Variants in DNAAF4 observed in about 807,000 individuals in gnomAD.
The protein encoded by DNAAF4 is dynein axonemal assembly factor 4.
A neutral mutation model predicts 51.8 loss-of-function variants in DNAAF4; 43 were observed. The observed-to-expected ratio is 0.83, with a 90% confidence interval of 0.65 to 1.07. DNAAF4 has a LOEUF of 1.07. Among genes scored for constraint, DNAAF4 ranks in the 50% least tolerant of loss-of-function variants. The pLI is 0.00. For missense variants in DNAAF4, 581 were observed against 493.0 expected (o/e 1.18, Z -1.69); for synonymous variants, 194 against 165.6 (o/e 1.17, Z -1.32).
In DNAAF4 at chr15:55,450,292, A is replaced by G; in HGVS notation, c.713T>C (p.Ile238Thr). 6.2e-7 allele frequency: 1 copy of G among 1,614,072 alleles called. No homozygotes were observed. The highest frequency in any genetic ancestry group is 8.5e-7 in the Non-Finnish European group (1 of 1,180,014). ...TACTCGAGGGGTAAAGTTGATTTTA[A>G]TACTGCCAACAGAGCGAGGAGCAGG... is the stretch of plus-strand genomic sequence containing the variant. The part of the protein sequence containing the change: ...SIPAPRSVGS[I>T]KINFTPRVFP... Residue 238 changes from isoleucine (I) to threonine (T), a missense_variant, in exon 6 of 10, where the codon ATT (isoleucine) becomes ACT (threonine). Ile to Thr is a moderately conservative substitution (Grantham distance 89, BLOSUM62 -1). Coordinates refer to ENST00000321149, the MANE Select transcript of DNAAF4 (RefSeq NM_130810.4).
At chr15:55,435,509 A>G (rs2057592879) in intron 7 of DNAAF4, among the ~76,000 whole-genome samples, 1 of 152,208 alleles carries the variant, frequency 6.6e-6, no homozygotes, top group Non-Finnish European at 1.5e-5. Flanking sequence ...ATTAGAATAA[A>G]GCTGATACTA....
At chr15:55,498,075 A>AT in intron 2 of DNAAF4, 132 bp downstream of exon 2, 1 of 1,496,700 alleles carries the variant, frequency 6.7e-7, no homozygotes, top group Non-Finnish European at 9.0e-7. Flanking sequence ...TATGGGATTC[A>AT]TTTTTTTAAT....
intron 3 of DNAAF4, among the ~76,000 whole-genome samples, chr15:55,496,979 A>C (rs1157732260): frequency 1.3e-5 from 2 of 152,202 alleles, no homozygotes; most frequent in African/African-American, 4.8e-5. Flanking sequence ...ATTCTCCCAG[A>C]AAAGGAAACT....
In DNAAF4 at chr15:55,497,717, G is replaced by T. The variant is rs548061833; in HGVS notation, c.266C>A (p.Thr89Lys). 3 of 1,603,392 alleles carry T rather than the reference G, an allele frequency of 1.9e-6. No individual in the cohort carries two copies. The highest frequency in any genetic ancestry group is 3.5e-5 in the Admixed American group (2 of 56,926). Residue 89 changes from threonine to lysine, a missense_variant, in exon 3 of 10, where the codon ACG (threonine) becomes AAG (lysine). Transcript: ENST00000321149. ...TCTTTTAATAAAGAACTTACCACCC[G>T]TCACAGAAAGGGTCTCCCACATGGC... ...EAAMWETLSV[T>K]GVDKEMMQRI...
At chr15:55,469,499 T>TTTTC (rs2058220437) in intron 4 of DNAAF4, among the ~76,000 whole-genome samples, 1 of 136,868 alleles carries the variant, frequency 7.3e-6, no homozygotes, top group Non-Finnish European at 1.6e-5. Context: ...TTTTTTTTTT[T>TTTTC]TGAGACGGAG....
chr15:55,497,710 A>G lies in DNAAF4; in HGVS notation c.271+2T>C, dbSNP rs749144937. The G allele has an allele frequency of 6.2e-7, 1 of 1,600,304 alleles. No individual in the cohort carries two copies. Reference sequence around the variant, plus strand: ...ATGAACATCTTTTAATAAAGAACTTACCACCCGTCACAGAAAGGGTCTCCC... The same window carrying G: ...ATGAACATCTTTTAATAAAGAACTTGCCACCCGTCACAGAAAGGGTCTCCC... On this transcript the variant is annotated splice_donor_variant, in intron 3 of 9. Coordinates refer to ENST00000321149, the MANE Select transcript of DNAAF4 (RefSeq NM_130810.4). LOFTEE classifies it high-confidence loss of function.
intron 4 of DNAAF4, among the ~76,000 whole-genome samples, chr15:55,489,209 T>C (rs991419118): frequency 6.6e-6 from 1 of 152,238 alleles, no homozygotes. Flanking sequence ...ACTGTTTTAT[T>C]ATTTCAGTGA....
At chr15:55,443,415 T>G in intron 6 of DNAAF4, 1 of 604,006 alleles carries the variant, frequency 1.7e-6, no homozygotes, top group South Asian at 2.1e-5. Context: ...ATGGCACACA[T>G]TACTGCCACA....
intron 1 of DNAAF4, among the ~76,000 whole-genome samples, chr15:55,500,047 T>A (rs2007494): frequency 0.34 from 51,682 of 151,940 alleles, 12,031 homozygotes; most frequent in African/African-American, 0.67. Context: ...AACTTTTTTT[T>A]AACTTTAAAA....
chr15:55,419,854 T>G (rs1007744820), intron 7 of DNAAF4, among the ~76,000 whole-genome samples: 1 of 152,000 alleles, frequency 6.6e-6, no homozygotes, highest in Non-Finnish European at 1.5e-5. Flanking sequence ...ACAAAAAAAT[T>G]AGCTGGGCAT....
intron 6 of DNAAF4, among the ~76,000 whole-genome samples, chr15:55,439,788 G>A (rs985174718): frequency 2.0e-5 from 3 of 152,086 alleles, no homozygotes; most frequent in South Asian, 2.1e-4. Flanking sequence ...GCCTCTGAGA[G>A]GTAATGAGGT....
intron 8 of DNAAF4, among the ~76,000 whole-genome samples, chr15:55,433,772 GT>G (rs1310982313): frequency 2.9e-5 from 3 of 104,380 alleles, no homozygotes; most frequent in African/African-American, 1.1e-4. Flanking sequence ...ATATATAATT[GT>G]TTTTATAAAA....
At chr15:55,433,983 T>G (rs1364776057) in intron 8 of DNAAF4, among the ~76,000 whole-genome samples, 1 of 20,706 alleles carries the variant, frequency 4.8e-5, no homozygotes, top group African/African-American at 1.2e-4. Context: ...ATATATTATA[T>G]ATAATATATA....
chr15:55,456,587 C>A (rs902452275), intron 5 of DNAAF4, among the ~76,000 whole-genome samples: 1 of 152,130 alleles, frequency 6.6e-6, no homozygotes, highest in Non-Finnish European at 1.5e-5. Flanking sequence ...ACTTCAGGAA[C>A]ACCGCAAGAA....
intron 4 of DNAAF4, among the ~76,000 whole-genome samples, chr15:55,485,420 T>C (rs1011313309): frequency 1.3e-5 from 2 of 152,190 alleles, no homozygotes; most frequent in African/African-American, 4.8e-5. Context: ...TATTCACTGA[T>C]AAGGATCATT....
Position 55,464,088 on chromosome 15 carries a change from T to G in DNAAF4, c.637+2842A>C, listed in dbSNP as rs569427486. On this transcript the variant is annotated intron_variant, in intron 5 of 9. Transcript: ENST00000321149. The stretch of plus-strand genomic sequence containing the variant: ...CAAGGCCACAGTTACCAAAACAGTA[T>G]AGTACTGGTATAAAAACAGGCACAT... 7.8e-4 allele frequency among the ~76,000 whole-genome samples: 119 copies of G among 152,302 alleles called. 2 individuals carry two copies. In the South Asian group the frequency reaches 9.7e-3, roughly 12 times the overall value.
chr15:55,428,007 C>CAATG (rs2057448036), downstream of DNAAF4, among the ~76,000 whole-genome samples: 1 of 152,052 alleles, frequency 6.6e-6, no homozygotes, highest in Non-Finnish European at 1.5e-5. Flanking sequence ...GGCCGTAGTG[C>CAATG]AATGGCCCAA....
intron 4 of DNAAF4, among the ~76,000 whole-genome samples, chr15:55,478,138 G>A (rs1429919362): frequency 6.6e-6 from 1 of 152,150 alleles, no homozygotes; most frequent in Non-Finnish European, 1.5e-5. Flanking sequence ...GACACAACGG[G>A]TACACAAATT....
At position 55,466,984 on chromosome 15, in the gene DNAAF4, T is replaced by C. The variant is rs1450311176; in HGVS notation, c.583A>G (p.Ile195Val). ...EKQIKEERKK[I>V]KYKSLTRNLA... ...TTTCTAGTAAGACTCTTATATTTTATTTTTTTTCTTTCTTCTTTAATTTGC... is the reference window on the plus strand; with the variant it reads ...TTTCTAGTAAGACTCTTATATTTTACTTTTTTTCTTTCTTCTTTAATTTGC... Residue 195 changes from isoleucine (I) to valine (V), a missense_variant, in exon 5 of 10, where the codon ATA becomes GTA. Ile to Val is a conservative substitution (Grantham distance 29, BLOSUM62 3). Transcript: ENST00000321149. 1.3e-6 allele frequency: 2 copies of C among 1,582,220 alleles called. No individual in the cohort carries two copies. Among genetic ancestry groups the C allele is most frequent in the Middle Eastern group, 3.4e-4 (2 of 5,814 alleles).
Sources: allele counts gnomAD v4.1 joint callset (sites outside exome capture counted in the v4.1 genomes callset), GRCh38; gene constraint gnomAD v4.1.1; transcripts MANE v1.5; gene names NCBI Gene and HGNC (gene_info 2026-07-23, HGNC 2026-07-21).